The following GBE1 variants were observed in gnomAD, a reference collection of about 807,000 sequenced individuals.
The protein encoded by GBE1 is 1,4-alpha-glucan branching enzyme 1, also known as 1,4-alpha-glucan-branching enzyme.
A neutral mutation model predicts 88.8 loss-of-function variants in GBE1; 70 were observed. That is an observed-to-expected ratio of 0.79 (90% CI 0.65 to 0.96). The LOEUF (loss-of-function observed/expected upper bound fraction) is 0.96. Among genes scored for constraint, GBE1 ranks in the 40% least tolerant of loss-of-function variants. The probability of loss-of-function intolerance (pLI) is 0.00; values close to 1 mark genes in which losing one functional copy is unlikely to be tolerated. For synonymous variants in GBE1, 284 were observed against 300.1 expected (o/e 0.95, Z 0.56); for missense variants, 872 against 871.0 (o/e 1.00, Z -0.01).
chr3:81,527,894 G>T (rs1425749434), intron 14 of GBE1, among the ~76,000 whole-genome samples: 1 of 151,910 alleles, frequency 6.6e-6, no homozygotes, highest in Non-Finnish European at 1.5e-5. Context: ...TATAAATCAT[G>T]CCGCTATAAA....
chr3:81,698,057 T>C (rs900719284), intron 2 of GBE1, among the ~76,000 whole-genome samples: 1 of 146,856 alleles, frequency 6.8e-6, no homozygotes, highest in African/African-American at 2.5e-5. Context: ...GTTTTATATA[T>C]ATATATGTGT....
intron 2 of GBE1, among the ~76,000 whole-genome samples, chr3:81,672,747 C>G (rs1705205641): frequency 2.0e-5 from 3 of 151,770 alleles, no homozygotes; most frequent in Admixed American, 1.3e-4. Flanking sequence ...TTTGTTTATG[C>G]CTAAAATATT....
At chr3:81,564,308 G>T (rs780414815) in intron 12 of GBE1, among the ~76,000 whole-genome samples, 10 of 152,010 alleles carry the variant, frequency 6.6e-5, no homozygotes, top group Non-Finnish European at 1.5e-4. Context: ...ACCGCAGTGG[G>T]TGTATTCCTA....
intron 1 of GBE1, among the ~76,000 whole-genome samples, chr3:81,724,258 C>CT (rs1706077926): frequency 6.6e-6 from 1 of 152,144 alleles, no homozygotes; most frequent in African/African-American, 2.4e-5. Context: ...ATATAACTCA[C>CT]TTTAAGTGGA....
intron 1 of GBE1, among the ~76,000 whole-genome samples, chr3:81,718,284 C>T (rs1458520171): frequency 6.6e-6 from 1 of 151,550 alleles, no homozygotes; most frequent in Non-Finnish European, 1.5e-5. Flanking sequence ...CTGGCCAACA[C>T]AGAAAATTTT....
intron 7 of GBE1, among the ~76,000 whole-genome samples, chr3:81,635,796 G>T (rs112559878): frequency 1.3e-5 from 2 of 152,070 alleles, no homozygotes; most frequent in African/African-American, 4.8e-5. Flanking sequence ...TGTTTTAAGC[G>T]AAAGAAAGAA....
rs986542222 is a variant in GBE1, at chr3:81,489,713, G to C, written c.*694C>G. On this transcript the variant is annotated 3_prime_UTR_variant, in exon 16 of 16. Transcript: ENST00000429644. ...CATTAGCAAAGGCAATTTTACAAAAGCTTTTTATTGATTGAAATGAAAGAC... is the reference window on the plus strand; with the variant it reads ...CATTAGCAAAGGCAATTTTACAAAACCTTTTTATTGATTGAAATGAAAGAC... 6.6e-6 allele frequency: 1 copy of C among 152,062 alleles called. No homozygotes were observed. Among genetic ancestry groups the C allele is most frequent in the South Asian group, 2.1e-4 (1 of 4,820 alleles). 9.4% of individuals were successfully genotyped at this position (152,062 alleles called of 1,614,324 possible).
intron 3 of GBE1, among the ~76,000 whole-genome samples, chr3:81,666,471 G>A (rs905598939): frequency 3.9e-5 from 6 of 152,088 alleles, no homozygotes; most frequent in African/African-American, 1.4e-4. Flanking sequence ...AAGTTTTCCT[G>A]GGTTGAAACA....
Position 81,639,266 on chromosome 3 carries a change from GT to G in GBE1, c.992+3514del, listed in dbSNP as rs557145144. ...ATGTTGTTCACATTTTTCAAATATA[GT>G]TTTTTTATTTTGAATTTTGTGTGCC... On this transcript the variant is annotated intron_variant, in intron 7 of 15. Coordinates refer to ENST00000429644, the MANE Select transcript of GBE1 (RefSeq NM_000158.4). 1.9e-4 allele frequency among the ~76,000 whole-genome samples: 29 copies of G among 151,792 alleles called. No individual in the cohort carries two copies. The South Asian group carries it at 2.7e-3, about 14-fold the overall frequency.
Position 81,657,154 on chromosome 3 carries a change from C to CA in GBE1, c.430-7234dup, listed in dbSNP as rs1211824730. Among the ~76,000 whole-genome samples the CA allele has an allele frequency of 1.0e-3, 136 of 134,886 alleles. No homozygotes were observed. In the East Asian group the frequency reaches 0.02, roughly 19 times the overall value. 88.5% of individuals were successfully genotyped at this position (134,886 alleles called of 152,430 possible). On this transcript the variant is annotated intron_variant, in intron 3 of 15. Coordinates refer to ENST00000429644, the MANE Select transcript of GBE1 (RefSeq NM_000158.4). ...CGTCTCAAAAAAAAAAAAAACAAAA[C>CA]AAAAAAAAACAATAAATTTGTAATA...
At chr3:81,627,871 C>T (rs1395745132) in intron 7 of GBE1, among the ~76,000 whole-genome samples, 1 of 151,850 alleles carries the variant, frequency 6.6e-6, no homozygotes, top group African/African-American at 2.4e-5. Context: ...ACTGTAACTT[C>T]AAACTCTTGG....
At chr3:81,649,088 A>C in intron 4 of GBE1, 97 bp from the exon 5 acceptor site, 1 of 799,560 alleles carries the variant, frequency 1.3e-6, no homozygotes, top group Non-Finnish European at 1.9e-6. Flanking sequence ...ATATACTCAA[A>C]CACTTGGAAC....
chr3:81,618,988 A>AT (rs1257920900), intron 7 of GBE1, among the ~76,000 whole-genome samples: 1 of 152,064 alleles, frequency 6.6e-6, no homozygotes, highest in African/African-American at 2.4e-5. Flanking sequence ...TTTTAAAAAA[A>AT]TGACTCTTTA....
rs199764733 is a variant in GBE1, at chr3:81,558,064, A to C, written c.1618+19861T>G. ...TGAGGAAGCAGGATCAGCACACGTA[A>C]CTATATAATGAAGTTTGGCAAATAA... On this transcript the variant is annotated intron_variant, in intron 12 of 15. Coordinates refer to ENST00000429644, the MANE Select transcript of GBE1 (RefSeq NM_000158.4). 7.2e-5 allele frequency among the ~76,000 whole-genome samples: 11 copies of C among 152,132 alleles called. No individual in the cohort carries two copies. The East Asian group carries it at 2.1e-3, about 29-fold the overall frequency.
intron 7 of GBE1, among the ~76,000 whole-genome samples, chr3:81,636,391 T>C (rs1559671460): frequency 6.6e-6 from 1 of 152,160 alleles, no homozygotes; most frequent in Non-Finnish European, 1.5e-5. Flanking sequence ...GTTATTAACA[T>C]ACTGTGAGAT....
intron 1 of GBE1, among the ~76,000 whole-genome samples, chr3:81,710,052 G>A (rs1705836867): frequency 6.6e-6 from 1 of 151,990 alleles, no homozygotes; most frequent in Non-Finnish European, 1.5e-5. Context: ...CTGTTACATA[G>A]GAAGAGACAG....
chr3:81,646,280 C>G, intron 6 of GBE1, 112 bp downstream of exon 6: 1 of 695,194 alleles, frequency 1.4e-6, no homozygotes, highest in Non-Finnish European at 2.5e-6. Context: ...CTTCTATTAA[C>G]TCTGTTAACC....
intron 7 of GBE1, among the ~76,000 whole-genome samples, chr3:81,617,047 C>T (rs527967522): frequency 3.9e-4 from 59 of 151,964 alleles, no homozygotes; most frequent in African/African-American, 1.4e-3. Context: ...CTGTTCATTA[C>T]TAGTATATAG....
chr3:81,528,430 A>G (rs1323674102), intron 14 of GBE1, among the ~76,000 whole-genome samples: 2 of 152,040 alleles, frequency 1.3e-5, no homozygotes, highest in Non-Finnish European at 2.9e-5. Context: ...ATGTTCCATG[A>G]GCTGAGGAGA....
Sources: gnomAD v4.1 joint callset for allele counts (sites outside exome capture counted in the v4.1 genomes callset) on GRCh38, gnomAD v4.1.1 for gene constraint, MANE v1.5 for transcripts, NCBI Gene and HGNC (gene_info 2026-07-23, HGNC 2026-07-21) for gene names.